The following ADAM2 variants were observed in gnomAD, a reference collection of about 807,000 sequenced individuals.
ADAM2 encodes disintegrin and metalloproteinase domain-containing protein 2.
ADAM2 carries 101 observed loss-of-function variants against 99.3 expected under a neutral mutation model. The observed-to-expected ratio is 1.02, with a 90% CI of 0.87 to 1.20. The LOEUF is 1.20. Among genes scored for constraint, ADAM2 ranks in the 50% most tolerant of loss-of-function variants. ADAM2 has a pLI of 0.00. For synonymous variants in ADAM2, 323 were observed against 287.6 expected (o/e 1.12, Z -1.25); for missense variants, 948 against 878.7 (o/e 1.08, Z -1.00).
At chr8:39,813,059 A>C (rs993765416) in intron 6 of ADAM2, among the ~76,000 whole-genome samples, 1 of 152,208 alleles carries the variant, frequency 6.6e-6, no homozygotes, top group African/African-American at 2.4e-5. Flanking sequence ...CAAAGAACTT[A>C]AACAAATTTA....
intron 10 of ADAM2, among the ~76,000 whole-genome samples, chr8:39,781,609 A>C (rs533385008): frequency 6.6e-6 from 1 of 152,320 alleles, no homozygotes; most frequent in Non-Finnish European, 1.5e-5. Flanking sequence ...GATATTCCAC[A>C]ATATGTTTAT....
intron 9 of ADAM2, 73 bp from the exon 10 acceptor site, chr8:39,787,128 A>G: frequency 1.1e-6 from 1 of 902,586 alleles, no homozygotes; most frequent in East Asian, 2.8e-5. Context: ...GACAAATTTT[A>G]CATTTATGAT....
intron 6 of ADAM2, among the ~76,000 whole-genome samples, chr8:39,810,442 C>T (rs1196335225): frequency 6.6e-6 from 1 of 152,212 alleles, no homozygotes; most frequent in African/African-American, 2.4e-5. Flanking sequence ...ACCTAATAGA[C>T]ATCTACAGAA....
intron 12 of ADAM2, among the ~76,000 whole-genome samples, chr8:39,768,200 G>A (rs146979577): frequency 6.6e-5 from 10 of 152,160 alleles, no homozygotes; most frequent in Middle Eastern, 3.4e-3. Context: ...TTGTCAAATT[G>A]AAGAAGAAAT....
intron 10 of ADAM2, among the ~76,000 whole-genome samples, chr8:39,778,512 A>T (rs767987304): frequency 1.3e-5 from 2 of 152,150 alleles, no homozygotes; most frequent in Non-Finnish European, 2.9e-5. Context: ...TCTTCCCTCC[A>T]TCAACACTTG....
intron 7 of ADAM2, among the ~76,000 whole-genome samples, chr8:39,792,179 C>T (rs769551552): frequency 2.0e-5 from 3 of 151,526 alleles, no homozygotes; most frequent in Non-Finnish European, 4.4e-5. Flanking sequence ...TTCTGGTATA[C>T]CTGCTTCTCT....
At chr8:39,832,598 TA>T (rs1409372829) in intron 3 of ADAM2, among the ~76,000 whole-genome samples, 4 of 152,244 alleles carry the variant, frequency 2.6e-5, no homozygotes. Context: ...CTTACTACTT[TA>T]TTGATATTTT....
chr8:39,809,534 A>T, intron 6 of ADAM2, 68 bp from the exon 7 acceptor site: 1 of 711,950 alleles, frequency 1.4e-6, no homozygotes, highest in Non-Finnish European at 2.5e-6. Flanking sequence ...GCATGTCACT[A>T]CTATTAATGA....
At chr8:39,763,607 C>T (rs1439066505) in intron 14 of ADAM2, among the ~76,000 whole-genome samples, 1 of 152,174 alleles carries the variant, frequency 6.6e-6, no homozygotes, top group Admixed American at 6.5e-5. Flanking sequence ...TGCCCACTCC[C>T]ACCCTTTTAT....
intron 15 of ADAM2, 26 bp from the exon 16 acceptor site, chr8:39,755,937 TATTA>T: frequency 4.0e-6 from 5 of 1,240,060 alleles, no homozygotes; most frequent in Non-Finnish European, 5.7e-6. Flanking sequence ...AAATAAAAAT[TATTA>T]ATTTTAATTT....
At chr8:39,809,555 G>A in intron 6 of ADAM2, 89 bp from the exon 7 acceptor site, 1 of 601,808 alleles carries the variant, frequency 1.7e-6, no homozygotes. Flanking sequence ...ACTAAATATT[G>A]AAAAACACAA....
intron 7 of ADAM2, among the ~76,000 whole-genome samples, chr8:39,792,035 G>T (rs933839294): frequency 1.3e-5 from 2 of 151,694 alleles, no homozygotes; most frequent in Non-Finnish European, 2.9e-5. Context: ...ATTCAGTGAA[G>T]AATACTATAA....
chr8:39,753,426 G>GAA (rs199506988), intron 16 of ADAM2, among the ~76,000 whole-genome samples: 6 of 141,184 alleles, frequency 4.2e-5, no homozygotes, highest in African/African-American at 1.3e-4. Context: ...TGATGCAATA[G>GAA]AAAAAAAAAA....
At chr8:39,792,479 G>T (rs969571525) in intron 7 of ADAM2, among the ~76,000 whole-genome samples, 6 of 151,944 alleles carry the variant, frequency 3.9e-5, no homozygotes, top group African/African-American at 1.5e-4. Flanking sequence ...AACCCCTATT[G>T]TCCCTCTCTT....
At chr8:39,745,004 T>A in intron 19 of ADAM2, 111 bp from the exon 20 acceptor site, 1 of 787,260 alleles carries the variant, frequency 1.3e-6, no homozygotes, top group Non-Finnish European at 2.0e-6. Flanking sequence ...AAGAACTGGG[T>A]TCACCCATTA....
At chr8:39,784,790 A>T (rs930505906) in intron 10 of ADAM2, among the ~76,000 whole-genome samples, 1 of 152,152 alleles carries the variant, frequency 6.6e-6, no homozygotes, top group African/African-American at 2.4e-5. Flanking sequence ...GTTCATAAAT[A>T]TTGAAGATTA....
intron 19 of ADAM2, among the ~76,000 whole-genome samples, chr8:39,745,808 G>A (rs1823418717): frequency 6.6e-6 from 1 of 151,834 alleles, no homozygotes; most frequent in Admixed American, 6.6e-5. Context: ...AGTTATTTAA[G>A]TATTATTAAG....
At chr8:39,837,433 C>T (rs934534595) in intron 1 of ADAM2, among the ~76,000 whole-genome samples, 1 of 151,574 alleles carries the variant, frequency 6.6e-6, no homozygotes, top group East Asian at 1.9e-4. Context: ...CAGGCCCAGG[C>T]TGGAGTGCAG....
chr8:39,767,334 T>C (rs1802612347), intron 12 of ADAM2, 83 bp from the exon 13 acceptor site: 4 of 1,165,216 alleles, frequency 3.4e-6, no homozygotes, highest in Middle Eastern at 2.0e-4. Flanking sequence ...CAACATATTA[T>C]ATAACATACA....
Sources: gnomAD v4.1 joint callset for allele counts (sites outside exome capture counted in the v4.1 genomes callset) on GRCh38, gnomAD v4.1.1 for gene constraint, MANE v1.5 for transcripts, NCBI Gene and HGNC (gene_info 2026-07-23, HGNC 2026-07-21) for gene names.